The following GPHN variants were observed in gnomAD, a reference collection of about 807,000 sequenced individuals.
The protein encoded by GPHN is gephyrin.
In GPHN, 17 loss-of-function variants were observed where a neutral mutation model predicts 95.5. That is an observed-to-expected ratio of 0.18 (90% CI 0.12 to 0.27). GPHN has a LOEUF of 0.27. Among genes scored for constraint, GPHN ranks in the 10% least tolerant of loss-of-function variants. The pLI is 1.00. For synonymous variants in GPHN, 320 were observed against 322.5 expected, an observed-to-expected ratio of 0.99 and a Z score of 0.08; for missense variants, 660 against 978.1, an observed-to-expected ratio of 0.67 and a Z score of 4.34.
rs79208729 is a variant in GPHN, at chr14:66,901,960, A to G, written c.390-14043A>G. ...AGATTCCACTGAATGTCTAGATTACATTGGGTACTATGGTCATTTTAACAA... is the reference window on the plus strand; with the variant it reads ...AGATTCCACTGAATGTCTAGATTACGTTGGGTACTATGGTCATTTTAACAA... On this transcript the variant is annotated intron_variant, in intron 5 of 22. Transcript: ENST00000478722. 5.5e-3 allele frequency among the ~76,000 whole-genome samples: 834 copies of G among 152,024 alleles called. 10 individuals carry two copies. The highest frequency in any genetic ancestry group is 0.019 in the African/African-American group (791 of 41,524).
At position 66,792,878 on chromosome 14, in the gene GPHN, G is replaced by A. The variant is rs532229219; in HGVS notation, c.201+16357G>A. ...ATTAGCATTGTTTCTATAGATATTC[G>A]ATGAACTAAAAGTATCCCTTATGGG... On this transcript the variant is annotated intron_variant, in intron 3 of 22. Coordinates refer to ENST00000478722, the MANE Select transcript of GPHN (RefSeq NM_020806.5). 2.9e-3 allele frequency among the ~76,000 whole-genome samples: 446 copies of A among 152,332 alleles called. 2 individuals carry two copies. Among genetic ancestry groups the A allele is most frequent in the Non-Finnish European group, 4.7e-3 (323 of 68,018 alleles).
At chr14:67,627,155 T>C in the GPHN span, among the ~76,000 whole-genome samples, 12 of 151,924 alleles carry the variant, frequency 7.9e-5, no homozygotes, top group African/African-American at 2.7e-4. Flanking sequence ...TTCTTGAATA[T>C]ATTAGAAAGC....
At chr14:66,511,856 G>A (rs1468586533) in intron 1 of GPHN, among the ~76,000 whole-genome samples, 2 of 151,708 alleles carry the variant, frequency 1.3e-5, no homozygotes, top group Non-Finnish European at 2.9e-5. Flanking sequence ...TTTAAATCAG[G>A]AAAATGAGAA....
the GPHN span, chr14:67,678,411 C>A: frequency 6.2e-7 from 1 of 1,612,702 alleles, no homozygotes; most frequent in South Asian, 1.1e-5. Flanking sequence ...AGACCCATGC[C>A]ACATGACAGT....
intron 1 of GPHN, among the ~76,000 whole-genome samples, chr14:66,611,439 T>G (rs531131934): frequency 7.2e-5 from 11 of 152,274 alleles, no homozygotes; most frequent in African/African-American, 2.4e-4. Flanking sequence ...GAAAATATAC[T>G]CATTGCTATT....
chr14:67,546,780 C>G, the GPHN span, among the ~76,000 whole-genome samples: 3 of 152,148 alleles, frequency 2.0e-5, no homozygotes, highest in African/African-American at 7.2e-5. Flanking sequence ...GTAGGAGGAT[C>G]GCTTGAGCCA....
the GPHN span, among the ~76,000 whole-genome samples, chr14:67,632,823 T>A: frequency 7.7e-6 from 1 of 129,044 alleles, no homozygotes; most frequent in Non-Finnish European, 1.7e-5. Context: ...TTTTTTTTTT[T>A]TTTTTTTTTT....
At chr14:67,302,231 T>G in the GPHN span, 5 of 1,261,584 alleles carry the variant, frequency 4.0e-6, no homozygotes, top group Non-Finnish European at 5.3e-6. Context: ...AAGCAGAAAG[T>G]GTGGGGGAAA....
chr14:66,629,729 G>C (rs944426392), intron 1 of GPHN, among the ~76,000 whole-genome samples: 1 of 151,982 alleles, frequency 6.6e-6, no homozygotes, highest in Non-Finnish European at 1.5e-5. Context: ...CTTTATGATG[G>C]CTATGACATC....
At chr14:67,233,315 T>A in the GPHN span, among the ~76,000 whole-genome samples, 1 of 152,088 alleles carries the variant, frequency 6.6e-6, no homozygotes, top group Non-Finnish European at 1.5e-5. Flanking sequence ...CTAAATTTTG[T>A]ATTTTTTGTA....
intron 1 of GPHN, among the ~76,000 whole-genome samples, chr14:66,590,528 C>G (rs571156061): frequency 6.6e-6 from 1 of 152,206 alleles, no homozygotes; most frequent in Non-Finnish European, 1.5e-5. Flanking sequence ...ATAAACATCT[C>G]TACTCAAATA....
chr14:67,412,151 CGGCGCCCA>C, the GPHN span: 1 of 1,172,604 alleles, frequency 8.5e-7, no homozygotes, highest in African/African-American at 1.6e-5. Context: ...TCCGCGCCCA[CGGCGCCCA>C]GGAAGCAGCT....
At chr14:66,785,254 G>A (rs1048362316) in intron 3 of GPHN, among the ~76,000 whole-genome samples, 30 of 152,210 alleles carry the variant, frequency 2.0e-4, no homozygotes, top group Middle Eastern at 3.4e-3. Context: ...TAGTCCCCAC[G>A]ACTCAGGAGG....
At chr14:67,491,612 A>G in the GPHN span, among the ~76,000 whole-genome samples, 1 of 152,128 alleles carries the variant, frequency 6.6e-6, no homozygotes, top group Non-Finnish European at 1.5e-5. Flanking sequence ...TTCTTATTAC[A>G]CCGCACCCTG....
the GPHN span, among the ~76,000 whole-genome samples, chr14:67,705,446 T>C: frequency 1.3e-5 from 2 of 152,232 alleles, no homozygotes; most frequent in Non-Finnish European, 2.9e-5. Context: ...TACTCAGAAA[T>C]GCTATGTAAG....
At chr14:67,585,870 TAGA>T in the GPHN span, 5 of 1,440,040 alleles carry the variant, frequency 3.5e-6, no homozygotes, top group Non-Finnish European at 3.8e-6. Context: ...TTCCTGTGCC[TAGA>T]AGAGACAGGG....
At chr14:67,497,068 A>G in the GPHN span, among the ~76,000 whole-genome samples, 1 of 151,924 alleles carries the variant, frequency 6.6e-6, no homozygotes, top group African/African-American at 2.4e-5. Context: ...CTGGGATTAC[A>G]GGCCTGAGCC....
At chr14:67,427,094 G>A in the GPHN span, among the ~76,000 whole-genome samples, 7 of 151,734 alleles carry the variant, frequency 4.6e-5, no homozygotes, top group Admixed American at 1.3e-4. Flanking sequence ...AGGGATTGGA[G>A]GTAGCCAGAG....
chr14:66,961,900 G>GTATA (rs767734322), intron 8 of GPHN, among the ~76,000 whole-genome samples: 1,050 of 52,722 alleles, frequency 0.02, 101 homozygotes, highest in Non-Finnish European at 0.03. Flanking sequence ...CCCTGAATGT[G>GTATA]TATATATATA....
Sources: gnomAD v4.1 joint callset for allele counts (sites outside exome capture counted in the v4.1 genomes callset) on GRCh38, gnomAD v4.1.1 for gene constraint, MANE v1.5 for transcripts, NCBI Gene and HGNC (gene_info 2026-07-23, HGNC 2026-07-21) for gene names.